Variants in ZNF600 observed in about 807,000 individuals in gnomAD.
The protein encoded by ZNF600 is zinc finger protein 600, also known as zinc finger protein KR-ZNF1.
In ZNF600, 4 loss-of-function variants were observed where a neutral mutation model predicts 7.3. The observed-to-expected ratio is 0.55, with a 90% confidence interval of 0.27 to 1.25. ZNF600 has a LOEUF of 1.25. ZNF600 is among the 50% of genes most tolerant of loss of function. ZNF600 has a pLI of 0.12. For missense variants in ZNF600, 911 were observed against 922.1 expected (o/e 0.99, Z 0.16); for synonymous variants, 290 against 308.9 (o/e 0.94, Z 0.64).
intron 1 of ZNF600, among the ~76,000 whole-genome samples, 136 bp downstream of exon 3, chr19:52,780,444 CA>C (rs113941250): frequency 0.057 from 8,605 of 152,158 alleles, 429 homozygotes; most frequent in African/African-American, 0.13. Flanking sequence ...GGAGCAACCT[CA>C]GCCCCAGGAA....
chr19:52,831,508 TTTG>T, the ZNF600 span, among the ~76,000 whole-genome samples: 1 of 151,576 alleles, frequency 6.6e-6, no homozygotes, highest in East Asian at 1.9e-4. Context: ...TTTTTGTTTT[TTTG>T]TTTTTTTTTG....
chr19:52,780,443 TC>T (rs1311894406), intron 1 of ZNF600, among the ~76,000 whole-genome samples, 137 bp downstream of exon 3: 10 of 150,560 alleles, frequency 6.6e-5, no homozygotes, highest in African/African-American at 2.5e-4. Flanking sequence ...AGGAGCAACC[TC>T]AGCCCCAGGA....
At chr19:52,790,971 A>G (rs1162678231), upstream of ZNF600, among the ~76,000 whole-genome samples, 2 of 151,962 alleles carry the variant, frequency 1.3e-5, no homozygotes, top group African/African-American at 4.8e-5. Flanking sequence ...GTGAGCCACC[A>G]CACCCAGACC....
chr19:52,813,928 T>C, the ZNF600 span, among the ~76,000 whole-genome samples: 1 of 146,568 alleles, frequency 6.8e-6, no homozygotes, highest in Non-Finnish European at 1.5e-5. Flanking sequence ...GGAGATGGAC[T>C]CTGTTTATTT....
At chr19:52,831,364 C>T in the ZNF600 span, among the ~76,000 whole-genome samples, 92 of 152,186 alleles carry the variant, frequency 6.0e-4, no homozygotes, top group African/African-American at 1.1e-3. Context: ...GGCTGGAGTG[C>T]AGTGGTGTGA....
At chr19:52,778,011 C>T (rs10421672) in intron 2 of ZNF600, among the ~76,000 whole-genome samples, 115,434 of 146,558 alleles carry the variant, frequency 0.79, 45,581 homozygotes, top group African/African-American at 0.89. Flanking sequence ...ACACCTTCTC[C>T]CTCTCTCTCT....
At chr19:52,800,424 T>C in the ZNF600 span, 1 of 1,613,502 alleles carries the variant, frequency 6.2e-7, no homozygotes, top group South Asian at 1.1e-5. Flanking sequence ...CCTGAAAACT[T>C]TGTCACATTC....
chr19:52,764,664 C>G (rs1057505546), exon 4 of ZNF600: 1 of 152,028 alleles, frequency 6.6e-6, no homozygotes, highest in Non-Finnish European at 1.5e-5. Flanking sequence ...ACTACAGGCA[C>G]CTGCCACCAC....
intron 3 of ZNF600, among the ~76,000 whole-genome samples, chr19:52,769,125 G>A (rs2062612293): frequency 6.6e-6 from 1 of 152,196 alleles, no homozygotes; most frequent in African/African-American, 2.4e-5. Context: ...TAGCATCAGT[G>A]CCAAGGAACA....
At chr19:52,810,894 T>G in the ZNF600 span, among the ~76,000 whole-genome samples, 1 of 3,888 alleles carries the variant, frequency 2.6e-4, no homozygotes, top group African/African-American at 1.1e-3. Context: ...CCCCTCCCCC[T>G]CCCCCTCCCT....
chr19:52,790,917 G>A (rs939533139), upstream of ZNF600, among the ~76,000 whole-genome samples: 1 of 152,026 alleles, frequency 6.6e-6, no homozygotes, highest in Non-Finnish European at 1.5e-5. Flanking sequence ...CTGGCCTCAA[G>A]TGATCCACCC....
chr19:52,766,847 T>C lies in ZNF600; in HGVS notation c.1116A>G (p.Lys372=), dbSNP rs375293990. The change falls in exon 4 of 4, where the codon AAA becomes AAG. Residue 372 remains lysine (K), a synonymous_variant. Transcript: ENST00000648973. Reference sequence around the variant, plus strand: ...TGAAAACTTTGTCACATTCTTCACATTTGTAAGGTTTCTCTCCAGTATGAA... The same window carrying C: ...TGAAAACTTTGTCACATTCTTCACACTTGTAAGGTTTCTCTCCAGTATGAA... The C allele has an allele frequency of 1.4e-4, 218 of 1,614,136 alleles. No homozygotes were observed. In the East Asian group the frequency reaches 3.9e-3, roughly 29 times the overall value.
the ZNF600 span, among the ~76,000 whole-genome samples, chr19:52,833,160 C>T: frequency 6.6e-6 from 1 of 152,148 alleles, no homozygotes; most frequent in East Asian, 1.9e-4. Flanking sequence ...CCAGAATTTA[C>T]CAGATATCTG....
chr19:52,810,290 G>A, the ZNF600 span: 7 of 1,505,678 alleles, frequency 4.6e-6, no homozygotes, highest in Non-Finnish European at 6.5e-6. Context: ...TTGAGGAGAA[G>A]ATGGAGGCTG....
the ZNF600 span, among the ~76,000 whole-genome samples, chr19:52,812,475 T>C: frequency 2.0e-4 from 25 of 122,842 alleles, no homozygotes; most frequent in Admixed American, 1.3e-3. Context: ...TCCCCAACCC[T>C]GTGCTCTCTG....
intron 1 of ZNF600, 57 bp from the exon 4 acceptor site, chr19:52,778,964 A>G: frequency 6.7e-7 from 1 of 1,498,382 alleles, no homozygotes; most frequent in Non-Finnish European, 8.9e-7. Context: ...CCATCCTGTG[A>G]CAAAACCACA....
At chr19:52,767,032 C>T in exon 4 of ZNF600, 4 of 1,614,158 alleles carry the variant, frequency 2.5e-6, no homozygotes, top group Non-Finnish European at 3.4e-6. Flanking sequence ...GATTTTACTG[C>T]AGTGTGAAGT....
At chr19:52,773,130 G>A (rs2062644135) in intron 3 of ZNF600, among the ~76,000 whole-genome samples, 2 of 152,270 alleles carry the variant, frequency 1.3e-5, no homozygotes, top group Admixed American at 1.3e-4. Flanking sequence ...TGTGAGGCAA[G>A]GCCAGGAAAG....
chr19:52,808,894 A>G, the ZNF600 span, among the ~76,000 whole-genome samples: 1 of 152,140 alleles, frequency 6.6e-6, no homozygotes, highest in Non-Finnish European at 1.5e-5. Flanking sequence ...AAAATAATAA[A>G]ACCTAGAGAC....
Sources: allele counts gnomAD v4.1 joint callset (sites outside exome capture counted in the v4.1 genomes callset), GRCh38; gene constraint gnomAD v4.1.1; transcripts MANE v1.5; gene names NCBI Gene and HGNC (gene_info 2026-07-23, HGNC 2026-07-21).